Variants in HDLBP observed in about 807,000 individuals in gnomAD.
HDLBP encodes the protein high density lipoprotein binding protein, also known as vigilin.
A neutral mutation model predicts 137.3 loss-of-function variants in HDLBP; 30 were observed. The ratio of observed to expected loss-of-function variants is 0.22; its 90% CI spans 0.16 to 0.30. The LOEUF is 0.30. Ranked by LOEUF, HDLBP falls within the 10% of genes least tolerant of loss-of-function variation. The probability of loss-of-function intolerance (pLI) is 1.00; values close to 1 mark genes in which losing one functional copy is unlikely to be tolerated. For synonymous variants in HDLBP, 606 were observed against 596.0 expected (o/e 1.02, Z -0.24); for missense variants, 1,119 against 1,667.3 (o/e 0.67, Z 5.73).
rs116418494 is a variant in HDLBP at position 241,279,593 on chromosome 2, C to T, written c.-102-11052G>A. Among the ~76,000 whole-genome samples, 873 of 152,210 alleles carry T rather than the reference C, an allele frequency of 5.7e-3. 16 individuals are homozygous for T. The highest frequency in any genetic ancestry group is 0.02 in the African/African-American group (810 of 41,526). On this transcript the variant is annotated intron_variant, in intron 1 of 27. Coordinates refer to ENST00000310931, the MANE Select transcript of HDLBP (RefSeq NM_005336.6). ...CCACAGACACTGACATTGCCTGCCT[C>T]AGATGTGGTCGTGTGGATCAGCAGG...
In HDLBP at chr2:241,272,226, T is replaced by TGC; in HGVS notation, c.-102-3687_-102-3686dup. On this transcript the variant is annotated intron_variant, in intron 1 of 27. Transcript: ENST00000310931. The surrounding 1 kb of genome is among the most constrained non-coding windows in gnomAD (Gnocchi z 5.6). ...GCTGCGGGGGCCCCGCCGCCCGGTC[T>TGC]GCGCCCAGACCCCCGCCCCGCCGCC... The TGC allele has an allele frequency of 3.1e-6, 3 of 976,784 alleles. No homozygotes were observed. The highest frequency in any genetic ancestry group is 3.6e-6 in the Non-Finnish European group (3 of 822,332). 60.5% of individuals were successfully genotyped at this position (976,784 alleles called of 1,614,324 possible).
At position 241,272,072 on chromosome 2, in the gene HDLBP, C is replaced by G; in HGVS notation, c.-102-3531G>C. The G allele has an allele frequency of 1.9e-6, 1 of 532,240 alleles. No homozygotes were observed. The highest frequency in any genetic ancestry group is 8.1e-5 in the South Asian group (1 of 12,306). The allele number at this position is 532,240 out of a possible 1,614,324, so 33.0% of individuals were successfully genotyped here. ...CCCCGCCTTTCATCCAAATTCGGTA[C>G]TTTTCCGTAATGTATTTTTCATCCA... On this transcript the variant is annotated intron_variant, in intron 1 of 27. Transcript: ENST00000310931. The surrounding 1 kb of genome is among the most constrained non-coding windows in gnomAD (Gnocchi z 5.6).
chr2:241,302,110 T>C (rs1337404561), intron 1 of HDLBP, among the ~76,000 whole-genome samples: 2 of 151,726 alleles, frequency 1.3e-5, no homozygotes, highest in Non-Finnish European at 2.9e-5. Context: ...AAAAATTTAA[T>C]TAGCCAGGTA....
Position 241,229,832 on chromosome 2 carries a change from C to A in HDLBP, c.3720+1G>T. 1 of 1,419,174 alleles carries A rather than the reference C, an allele frequency of 7.0e-7. No individual in the cohort carries two copies. The highest frequency in any genetic ancestry group is 9.4e-7 in the Non-Finnish European group (1 of 1,059,918). The allele number at this position is 1,419,174 out of a possible 1,614,324, so 87.9% of individuals were successfully genotyped here. A position where few individuals can be genotyped will look rare whatever the true frequency, so the allele number is the denominator to read the frequency against. On this transcript the variant is annotated splice_donor_variant, in intron 27 of 27. Transcript: ENST00000310931. LOFTEE classifies it high-confidence loss of function. ...CAGGAGGGCAGAAGCCCGCATCTGA[C>A]CTTCTCACTGCTGCTGGCGGTCCAG... is the stretch of plus-strand genomic sequence containing the variant.
chr2:241,246,773 A>G lies in HDLBP; in HGVS notation c.1929T>C (p.Ile643=). 1 of 1,614,174 alleles carries G rather than the reference A, an allele frequency of 6.2e-7. No individual in the cohort carries two copies. Reference sequence around the variant, plus strand: ...TTACCAGGTCTTTCTGAATAGACAGAATCCTGCTCCGGGCAGCTTCGCAGT... The same window carrying G: ...TTACCAGGTCTTTCTGAATAGACAGGATCCTGCTCCGGGCAGCTTCGCAGT... ...RANCEAARSR[I]LSIQKDLANI... is the part of the protein sequence containing the mutation. Residue 643 remains isoleucine (I), a synonymous_variant, in exon 16 of 28, where the codon ATT becomes ATC. Coordinates refer to ENST00000310931, the MANE Select transcript of HDLBP (RefSeq NM_005336.6).
chr2:241,256,877 A>G, intron 5 of HDLBP, 71 bp from the exon 6 acceptor site: 1 of 1,326,686 alleles, frequency 7.5e-7, no homozygotes, highest in South Asian at 1.2e-5. Flanking sequence ...TTTCCAAGAC[A>G]TTCTGGCAGA....
At chr2:241,251,486 C>T (rs1203613922) in intron 11 of HDLBP, among the ~76,000 whole-genome samples, 5 of 152,208 alleles carry the variant, frequency 3.3e-5, no homozygotes, top group Non-Finnish European at 1.5e-5. Context: ...AACGGATACA[C>T]GGACGTCAGT....
chr2:241,261,216 G>A (rs2073146192), intron 5 of HDLBP, among the ~76,000 whole-genome samples: 1 of 149,054 alleles, frequency 6.7e-6, no homozygotes, highest in South Asian at 2.1e-4. Context: ...AAAAAAAGGG[G>A]GTAGGAGGGA....
intron 23 of HDLBP, 72 bp downstream of exon 23, chr2:241,235,048 TC>T (rs779164191): frequency 4.9e-5 from 76 of 1,561,968 alleles, no homozygotes; most frequent in Non-Finnish European, 5.8e-5. Flanking sequence ...CTGAAGAACT[TC>T]CCTAGATTCT....
intron 17 of HDLBP, among the ~76,000 whole-genome samples, chr2:241,241,223 G>C (rs1226589594): frequency 1.3e-5 from 2 of 152,140 alleles, no homozygotes; most frequent in African/African-American, 2.4e-5. Flanking sequence ...AGATTAGAGA[G>C]AAATGTAACT....
intron 16 of HDLBP, 184 bp downstream of exon 16, chr2:241,246,568 G>C: frequency 1.6e-6 from 1 of 608,798 alleles, no homozygotes; most frequent in Non-Finnish European, 2.9e-6. Flanking sequence ...AGGTAAGTAA[G>C]TATCGTGAGA....
chr2:241,312,779 G>C (rs1021281508), intron 1 of HDLBP, among the ~76,000 whole-genome samples: 6 of 151,994 alleles, frequency 3.9e-5, no homozygotes, highest in Non-Finnish European at 4.4e-5. Context: ...AGCCCTTTCT[G>C]TAAGTTTCAG....
Position 241,239,502 on chromosome 2 carries a change from G to A in HDLBP, c.2610+100C>T. The stretch of plus-strand genomic sequence containing the variant: ...TCTGAAGCCTTCCAGGGCTGTATGA[G>A]GGAGTCACCTCCCTACAGGGTGGAG... On this transcript the variant is annotated intron_variant, in intron 19 of 27. Transcript: ENST00000310931. This position sits in a 1 kb window ranked among gnomAD's most constrained non-coding sequence, Gnocchi z 4.6. 2.1e-6 allele frequency: 2 copies of A among 947,490 alleles called. No homozygotes were observed. Among genetic ancestry groups the A allele is most frequent in the Non-Finnish European group, 3.3e-6 (2 of 604,536 alleles). 58.7% of individuals were successfully genotyped at this position (947,490 alleles called of 1,614,324 possible). A position where few individuals can be genotyped will look rare whatever the true frequency, so the allele number is the denominator to read the frequency against.
chr2:241,261,173 C>G (rs577714577), intron 5 of HDLBP, among the ~76,000 whole-genome samples: 1 of 94,104 alleles, frequency 1.1e-5, no homozygotes, highest in South Asian at 3.8e-4. Context: ...CCAGCCTGGG[C>G]AACAAAGTGA....
In HDLBP at chr2:241,249,956, T is replaced by C. The variant is rs755620029; in HGVS notation, c.1397A>G (p.Lys466Arg). The change falls in exon 12 of 28, where the codon AAG becomes AGG. Residue 466 changes from lysine to arginine, a missense_variant. Physicochemically the swap from Lys to Arg is conservative, Grantham distance 26 (BLOSUM62 2). Coordinates refer to ENST00000310931, the MANE Select transcript of HDLBP (RefSeq NM_005336.6). Reference protein sequence around the residue: ...ANINRIKDQYKVSVRIPPDSE... With the variant: ...ANINRIKDQYRVSVRIPPDSE... ...GTCAGGAGGGATGCGCACGGACACCTTGTACTGGTCTTTGATTCTGTTTAC... is the reference window on the plus strand; with the variant it reads ...GTCAGGAGGGATGCGCACGGACACCCTGTACTGGTCTTTGATTCTGTTTAC... 8.7e-6 allele frequency: 14 copies of C among 1,609,134 alleles called. No homozygotes were observed. The highest frequency in any genetic ancestry group is 1.3e-5 in the African/African-American group (1 of 74,640).
Position 241,272,736 on chromosome 2 carries a change from TC to T in HDLBP, c.-102-4196del. 1 of 354,648 alleles carries T rather than the reference TC, an allele frequency of 2.8e-6. No homozygotes were observed. Among genetic ancestry groups the T allele is most frequent in the Non-Finnish European group, 3.5e-6 (1 of 289,378 alleles). 22.0% of individuals were successfully genotyped at this position (354,648 alleles called of 1,614,324 possible). A position where few individuals can be genotyped will look rare whatever the true frequency, so the allele number is the denominator to read the frequency against. ...CCCCGTCCGCCCGCCCGCCCAGGCCTCCCAGCCCCGTGTTGCGCGCTCACTC... is the reference window on the plus strand; with the variant it reads ...CCCCGTCCGCCCGCCCGCCCAGGCCTCCAGCCCCGTGTTGCGCGCTCACTC... On this transcript the variant is annotated intron_variant, in intron 1 of 27. Transcript: ENST00000310931. This position sits in a 1 kb window ranked among gnomAD's most constrained non-coding sequence, Gnocchi z 5.6.
Position 241,293,708 on chromosome 2 carries a change from C to T in HDLBP, c.-103+21862G>A, listed in dbSNP as rs142908997. 8.4e-3 allele frequency among the ~76,000 whole-genome samples: 1,275 copies of T among 151,958 alleles called. 19 individuals carry two copies. The highest frequency in any genetic ancestry group is 0.029 in the African/African-American group (1,212 of 41,426). On this transcript the variant is annotated intron_variant, in intron 1 of 27. Transcript: ENST00000310931. Reference sequence around the variant, plus strand: ...GCTGAGGCAGGCAGATCGCTTGAGTCCAGGAGTTTAAGACCAGCCTGGGCA... The same window carrying T: ...GCTGAGGCAGGCAGATCGCTTGAGTTCAGGAGTTTAAGACCAGCCTGGGCA...
chr2:241,272,987 C>CT lies in HDLBP; in HGVS notation c.-102-4447dup. On this transcript the variant is annotated intron_variant, in intron 1 of 27. Transcript: ENST00000310931. This position sits in a 1 kb window ranked among gnomAD's most constrained non-coding sequence, Gnocchi z 5.6. ...CCAACTGCAGGCGTGGTTCTGCATC[C>CT]TTTTTTCGGGTGGGGAAGGCGGTGC... 4.1e-6 allele frequency: 4 copies of CT among 983,458 alleles called. No homozygotes were observed. The highest frequency in any genetic ancestry group is 4.7e-5 in the South Asian group (1 of 21,368). 60.9% of individuals were successfully genotyped at this position (983,458 alleles called of 1,614,324 possible).
intron 1 of HDLBP, among the ~76,000 whole-genome samples, chr2:241,311,405 G>A (rs1367282893): frequency 6.6e-6 from 1 of 152,138 alleles, no homozygotes; most frequent in Non-Finnish European, 1.5e-5. Flanking sequence ...GTGCTCCATC[G>A]AAGTGAGACA....
Sources: allele counts gnomAD v4.1 joint callset (sites outside exome capture counted in the v4.1 genomes callset), GRCh38; gene constraint gnomAD v4.1.1; non-coding constraint Gnocchi (gnomAD v3.1); transcripts MANE v1.5; gene names NCBI Gene and HGNC (gene_info 2026-07-23, HGNC 2026-07-21).